FEZ1: variants seen among roughly 807,000 people sequenced by gnomAD.
The protein encoded by FEZ1 is fasciculation and elongation protein zeta 1, also known as fasciculation and elongation protein zeta-1.
In FEZ1, 20 loss-of-function variants were observed where a neutral mutation model predicts 49.3. The observed-to-expected ratio is 0.41, with a 90% CI of 0.29 to 0.59. The LOEUF (loss-of-function observed/expected upper bound fraction) is 0.59, where lower values mean the gene tolerates loss of function less well. FEZ1 is among the 20% of genes least tolerant of loss of function. The pLI is 0.36. For missense variants in FEZ1, 413 were observed against 476.0 expected (o/e 0.87, Z 1.23); for synonymous variants, 170 against 180.9 (o/e 0.94, Z 0.48).
intron 1 of FEZ1, among the ~76,000 whole-genome samples, chr11:125,492,968 T>TAAAA: frequency 8.0e-6 from 1 of 124,876 alleles, no homozygotes; most frequent in South Asian, 2.6e-4. Flanking sequence ...ACCCTATCTT[T>TAAAA]AAAAAAAAAA....
At chr11:125,447,591 G>C (rs1956909650) in intron 9 of FEZ1, among the ~76,000 whole-genome samples, 1 of 152,184 alleles carries the variant, frequency 6.6e-6, no homozygotes. Context: ...GGAGGCCAAG[G>C]CGAGTGGATC....
At chr11:125,487,387 A>G (rs622281) in intron 2 of FEZ1, among the ~76,000 whole-genome samples, 31,240 of 152,132 alleles carry the variant, frequency 0.21, 3,473 homozygotes, top group African/African-American at 0.28. Context: ...CCAGGGTTAA[A>G]TGACTTGCCC....
At chr11:125,460,714 G>A in intron 4 of FEZ1, 48 bp from the exon 5 acceptor site, 1 of 1,543,532 alleles carries the variant, frequency 6.5e-7, no homozygotes, top group Non-Finnish European at 8.8e-7. Context: ...CTGCTAGAGG[G>A]GCATTCTGGC....
chr11:125,446,187 T>A, intron 9 of FEZ1, 76 bp from the exon 10 acceptor site: 1 of 1,415,998 alleles, frequency 7.1e-7, no homozygotes, highest in Non-Finnish European at 1.0e-6. Context: ...TGGATAGCCC[T>A]AGCTGAGAGC....
chr11:125,495,308 G>A lies in FEZ1; in HGVS notation c.-46+813C>T, dbSNP rs1957448223. ...TTCCGGCCAAACAAGCCCGGACACG[G>A]GAGAGGGATGAGAGTCGGGGATGCC... On this transcript the variant is annotated intron_variant, in intron 1 of 9. Transcript: ENST00000278919. The surrounding 1 kb of genome is among the most constrained non-coding windows in gnomAD (Gnocchi z 4.2). 1 of 459,056 alleles carries A rather than the reference G, an allele frequency of 2.2e-6. No individual in the cohort carries two copies. The allele number at this position is 459,056 out of a possible 1,614,324, so 28.4% of individuals were successfully genotyped here.
chr11:125,487,660 G>A (rs368401000), intron 2 of FEZ1, among the ~76,000 whole-genome samples: 7 of 152,120 alleles, frequency 4.6e-5, no homozygotes, highest in Admixed American at 3.9e-4. Flanking sequence ...CATACCTTCC[G>A]GCCAGCATTA....
At chr11:125,451,424 C>T (rs1956954336) in intron 8 of FEZ1, 1 of 152,240 alleles carries the variant, frequency 6.6e-6, no homozygotes, top group Admixed American at 6.5e-5. Context: ...CAGCACCAGG[C>T]CCCAGCAGGT....
chr11:125,477,372 G>T lies in FEZ1; in HGVS notation c.411+4162C>A, dbSNP rs113287904. Among the ~76,000 whole-genome samples, 891 of 152,076 alleles carry T rather than the reference G, an allele frequency of 5.9e-3. 10 individuals are homozygous for T. Among genetic ancestry groups the T allele is most frequent in the African/African-American group, 0.02 (843 of 41,482 alleles). On this transcript the variant is annotated intron_variant, in intron 3 of 9. Coordinates refer to ENST00000278919, the MANE Select transcript of FEZ1 (RefSeq NM_005103.5). ...AAAAAAAAATTAGCTGAGCGTCATG[G>T]TGCATTCCTGTAATTCCAGCTACCT... is the stretch of plus-strand genomic sequence containing the variant.
chr11:125,496,088 G>C (rs1385890760), intron 1 of FEZ1, 33 bp downstream of exon 1: 1 of 154,322 alleles, frequency 6.5e-6, no homozygotes, highest in Non-Finnish European at 1.4e-5. Context: ...CAGTGAGTCG[G>C]GTCCTAACTA....
chr11:125,449,256 G>A (rs1277122669), intron 8 of FEZ1, among the ~76,000 whole-genome samples: 3 of 148,308 alleles, frequency 2.0e-5, no homozygotes, highest in African/African-American at 7.5e-5. Flanking sequence ...ATGTTGCCCA[G>A]GCTGGTCTTG....
At position 125,444,384 on chromosome 11, in the gene FEZ1, G is replaced by A. The variant is rs1956879465; in HGVS notation, c.*1711C>T. On this transcript the variant is annotated 3_prime_UTR_variant, in exon 10 of 10. Transcript: ENST00000278919. ...GCAGATCGCCTGAGGTCGGGAGTTCGAGACCAACCTGACCAACATGTAGAA... is the reference window on the plus strand; with the variant it reads ...GCAGATCGCCTGAGGTCGGGAGTTCAAGACCAACCTGACCAACATGTAGAA... 6.6e-6 allele frequency among the ~76,000 whole-genome samples: 1 copy of A among 152,156 alleles called. No individual in the cohort carries two copies.
intron 3 of FEZ1, among the ~76,000 whole-genome samples, chr11:125,480,608 G>T (rs1269805973): frequency 6.6e-6 from 1 of 152,008 alleles, no homozygotes. Context: ...TTTCCGGCCT[G>T]AACTGTTCAT....
chr11:125,469,899 GT>G (rs1187902489), intron 3 of FEZ1, among the ~76,000 whole-genome samples: 1 of 151,466 alleles, frequency 6.6e-6, no homozygotes, highest in Non-Finnish European at 1.5e-5. Context: ...TTTTGTTTTT[GT>G]TTTTTGGTAG....
intron 3 of FEZ1, among the ~76,000 whole-genome samples, chr11:125,469,883 T>A (rs1386528823): frequency 1.3e-5 from 2 of 151,974 alleles, no homozygotes; most frequent in Non-Finnish European, 2.9e-5. Context: ...GCTACCTTTT[T>A]GTTTTTTTTG....
At chr11:125,455,796 G>A (rs1173461347) in intron 6 of FEZ1, 39 bp downstream of exon 6, 1 of 1,611,544 alleles carries the variant, frequency 6.2e-7, no homozygotes, top group Admixed American at 1.7e-5. Flanking sequence ...AGGGTTGGAG[G>A]TTGGAGGCAC....
intron 6 of FEZ1, among the ~76,000 whole-genome samples, chr11:125,455,023 A>AG (rs1591581806): frequency 6.8e-6 from 1 of 147,862 alleles, no homozygotes; most frequent in Admixed American, 6.7e-5. Context: ...CACCAAAAAA[A>AG]AAAAAAAGAA....
At chr11:125,455,759 C>A (rs1243693496) in intron 6 of FEZ1, 76 bp downstream of exon 6, 1 of 1,473,682 alleles carries the variant, frequency 6.8e-7, no homozygotes, top group Non-Finnish European at 9.5e-7. Flanking sequence ...GAGTCCCCTG[C>A]AGGGTTGGTA....
intron 5 of FEZ1, among the ~76,000 whole-genome samples, chr11:125,458,232 C>G (rs190518848): frequency 6.6e-6 from 1 of 152,312 alleles, no homozygotes; most frequent in African/African-American, 2.4e-5. Flanking sequence ...CCTGACCAAC[C>G]CACCTTCTCC....
rs1408876887 is a variant in FEZ1, at chr11:125,460,481, G to A, written c.667+17C>T. 6.2e-7 allele frequency: 1 copy of A among 1,610,404 alleles called. No homozygotes were observed. Among genetic ancestry groups the A allele is most frequent in the East Asian group, 2.2e-5 (1 of 44,826 alleles). On this transcript the variant is annotated intron_variant, in intron 5 of 9. Coordinates refer to ENST00000278919, the MANE Select transcript of FEZ1 (RefSeq NM_005103.5). The stretch of plus-strand genomic sequence containing the variant: ...AGGTGCTTCCTCCTCGGCCAGCCCA[G>A]CGCCCAGGGCCCTCACCTTCATAGG...
Sources: gnomAD v4.1 joint callset for allele counts (sites outside exome capture counted in the v4.1 genomes callset) on GRCh38, gnomAD v4.1.1 for gene constraint, Gnocchi (gnomAD v3.1) non-coding constraint, MANE v1.5 for transcripts, NCBI Gene and HGNC (gene_info 2026-07-23, HGNC 2026-07-21) for gene names.